SLC35F4: variants seen among roughly 807,000 people sequenced by gnomAD.
SLC35F4 encodes chromosome 14 open reading frame 36.
In SLC35F4, 24 loss-of-function variants were observed where a neutral mutation model predicts 44.2. That is an observed-to-expected ratio of 0.54 (90% confidence interval 0.39 to 0.76). The LOEUF is 0.76. Among genes scored for constraint, SLC35F4 ranks in the 30% least tolerant of loss-of-function variants. SLC35F4 has a pLI of 0.00. For missense variants in SLC35F4, 562 were observed against 586.1 expected (o/e 0.96, Z 0.42); for synonymous variants, 238 against 223.6 (o/e 1.06, Z -0.57).
intron 1 of SLC35F4, among the ~76,000 whole-genome samples, chr14:57,958,062 T>C (rs922916095): frequency 6.6e-6 from 1 of 151,966 alleles, no homozygotes; most frequent in South Asian, 2.1e-4. Flanking sequence ...AGATGAAATT[T>C]TTTTTTTTTT....
intron 1 of SLC35F4, among the ~76,000 whole-genome samples, chr14:57,933,357 G>A (rs17733216): frequency 0.078 from 11,924 of 152,168 alleles, 608 homozygotes; most frequent in Non-Finnish European, 0.12. Context: ...CAAGTTTGGT[G>A]TCTCATCCAA....
intron 1 of SLC35F4, among the ~76,000 whole-genome samples, chr14:57,898,895 A>G (rs1329168939): frequency 6.6e-6 from 1 of 152,170 alleles, no homozygotes; most frequent in Non-Finnish European, 1.5e-5. Context: ...CCAGTTTGGA[A>G]AGGGGTTGGA....
At chr14:57,893,546 C>A (rs983138733) in intron 1 of SLC35F4, among the ~76,000 whole-genome samples, 1 of 152,184 alleles carries the variant, frequency 6.6e-6, no homozygotes. Flanking sequence ...TCCCGAGAAA[C>A]CATTGTACTT....
At chr14:57,637,740 A>C (rs1190684428) in intron 1 of SLC35F4, among the ~76,000 whole-genome samples, 2 of 152,108 alleles carry the variant, frequency 1.3e-5, no homozygotes, top group African/African-American at 4.8e-5. Flanking sequence ...ATTCCTGAGG[A>C]GACTAGGGCA....
intron 1 of SLC35F4, among the ~76,000 whole-genome samples, chr14:57,912,199 A>G (rs1206904079): frequency 1.3e-5 from 2 of 151,882 alleles, no homozygotes; most frequent in Non-Finnish European, 2.9e-5. Context: ...TGATCTTTTC[A>G]AAGAACCAGC....
intron 1 of SLC35F4, among the ~76,000 whole-genome samples, chr14:57,928,431 C>T (rs1889625586): frequency 6.6e-6 from 1 of 152,172 alleles, no homozygotes; most frequent in Non-Finnish European, 1.5e-5. Context: ...TCAGTGGGCA[C>T]CACGTGGAGA....
chr14:57,597,255 G>A (rs770508608), intron 1 of SLC35F4, among the ~76,000 whole-genome samples: 6 of 152,162 alleles, frequency 3.9e-5, no homozygotes, highest in Non-Finnish European at 8.8e-5. Flanking sequence ...TGATGTGTGG[G>A]TGGTATCTCA....
At chr14:57,632,471 C>A (rs554452800) in intron 1 of SLC35F4, among the ~76,000 whole-genome samples, 1 of 152,178 alleles carries the variant, frequency 6.6e-6, no homozygotes, top group South Asian at 2.1e-4. Flanking sequence ...AGAATACTAA[C>A]TTCTTAAAAA....
intron 1 of SLC35F4, among the ~76,000 whole-genome samples, chr14:57,644,378 G>A (rs2073396607): frequency 6.6e-6 from 1 of 152,092 alleles, no homozygotes; most frequent in Non-Finnish European, 1.5e-5. Flanking sequence ...GTGATGATGA[G>A]CATTTTTTCG....
chr14:57,632,857 T>TA (rs1169557445), intron 1 of SLC35F4, among the ~76,000 whole-genome samples: 1 of 152,052 alleles, frequency 6.6e-6, no homozygotes, highest in Non-Finnish European at 1.5e-5. Context: ...TTCACTTCCC[T>TA]AAAAATCCTC....
chr14:57,924,472 G>A (rs139113494), intron 1 of SLC35F4, among the ~76,000 whole-genome samples: 6,153 of 150,968 alleles, frequency 0.041, 347 homozygotes, highest in African/African-American at 0.12. Flanking sequence ...TTTTTAAGAC[G>A]GAGACTCGCT....
chr14:57,702,331 T>TAAAAAAAAAAAAAAAA (rs5808935), intron 1 of SLC35F4, among the ~76,000 whole-genome samples: 1 of 136,588 alleles, frequency 7.3e-6, no homozygotes, highest in Non-Finnish European at 1.6e-5. Flanking sequence ...TCATTTTCTT[T>TAAAAAAAAAAAAAAAA]AAAAAAAAAA....
chr14:57,930,858 A>G (rs1889683519), intron 1 of SLC35F4, among the ~76,000 whole-genome samples: 1 of 152,154 alleles, frequency 6.6e-6, no homozygotes, highest in African/African-American at 2.4e-5. Flanking sequence ...ATTCCTCAAG[A>G]CTAACACTGT....
At chr14:57,658,856 T>C (rs905850882) in intron 1 of SLC35F4, among the ~76,000 whole-genome samples, 4 of 152,150 alleles carry the variant, frequency 2.6e-5, no homozygotes, top group African/African-American at 2.4e-5. Context: ...AGTGAAGGAA[T>C]AGACTCACTA....
intron 1 of SLC35F4, among the ~76,000 whole-genome samples, chr14:57,692,360 T>C (rs553132392): frequency 8.5e-5 from 13 of 152,252 alleles, no homozygotes; most frequent in African/African-American, 2.9e-4. Flanking sequence ...CCCTTTAAAA[T>C]GGTCATATAT....
chr14:57,750,410 G>A (rs754021601), intron 1 of SLC35F4, among the ~76,000 whole-genome samples: 1 of 152,112 alleles, frequency 6.6e-6, no homozygotes, highest in Non-Finnish European at 1.5e-5. Flanking sequence ...ATACCCAGTA[G>A]TGGGATTGCT....
At chr14:57,937,607 AAAG>A (rs1442686137) in intron 1 of SLC35F4, among the ~76,000 whole-genome samples, 3 of 62,958 alleles carry the variant, frequency 4.8e-5, no homozygotes, top group East Asian at 2.8e-3. Flanking sequence ...AAAGAAAAGA[AAAG>A]AAAAGAAAAG....
intron 1 of SLC35F4, among the ~76,000 whole-genome samples, chr14:57,830,633 T>A (rs1415150306): frequency 6.6e-6 from 1 of 152,164 alleles, no homozygotes; most frequent in African/African-American, 2.4e-5. Context: ...TGAGCCAATA[T>A]GGTTCTGGAT....
At chr14:57,728,990 T>C (rs1342778204) in intron 1 of SLC35F4, among the ~76,000 whole-genome samples, 3 of 152,220 alleles carry the variant, frequency 2.0e-5, no homozygotes, top group Admixed American at 6.5e-5. Context: ...CACTCTCTCC[T>C]GGCCTATAAG....
Sources: gnomAD v4.1 joint callset for allele counts (sites outside exome capture counted in the v4.1 genomes callset) on GRCh38, gnomAD v4.1.1 for gene constraint, MANE v1.5 for transcripts, NCBI Gene and HGNC (gene_info 2026-07-23, HGNC 2026-07-21) for gene names.